The following ATP1A4 variants were observed in gnomAD, a reference collection of about 807,000 sequenced individuals.
ATP1A4 encodes sodium/potassium-transporting ATPase subunit alpha-4.
Under a neutral mutation model 114.3 loss-of-function variants are expected in ATP1A4, and 90 were observed. The observed-to-expected ratio is 0.79, with a 90% CI of 0.66 to 0.94. ATP1A4 has a LOEUF of 0.94. Ranked by LOEUF, ATP1A4 falls within the 40% of genes least tolerant of loss-of-function variation. ATP1A4 has a pLI of 0.00. For missense variants in ATP1A4, 1,222 were observed against 1,313.6 expected (o/e 0.93, Z 1.08); for synonymous variants, 511 against 494.1 (o/e 1.03, Z -0.45).
chr1:160,176,270 G>C, intron 16 of ATP1A4, 24 bp downstream of exon 16: 2 of 1,613,030 alleles, frequency 1.2e-6, no homozygotes, highest in Non-Finnish European at 1.7e-6. Context: ...TGGTGAGCAA[G>C]AGATTCCCAG....
At chr1:160,174,062 G>A (rs1483793552) in intron 13 of ATP1A4, 49 bp from the exon 14 acceptor site, 1 of 1,601,210 alleles carries the variant, frequency 6.2e-7, no homozygotes. Context: ...AAGACCCCTG[G>A]TGAATTCTCA....
At chr1:160,152,721 C>T (rs78943652) in intron 1 of ATP1A4, among the ~76,000 whole-genome samples, 2,157 of 152,230 alleles carry the variant, frequency 0.014, 14 homozygotes, top group African/African-American at 0.018. Flanking sequence ...AAATGTTTCA[C>T]TTTGACCAAG....
intron 20 of ATP1A4, among the ~76,000 whole-genome samples, chr1:160,185,077 T>G (rs1653831399): frequency 6.6e-6 from 1 of 151,490 alleles, no homozygotes; most frequent in Admixed American, 6.6e-5. Flanking sequence ...ATACTTCTAA[T>G]ATGACATTTA....
At chr1:160,154,944 T>A in intron 2 of ATP1A4, 101 bp from the exon 3 acceptor site, 2 of 1,090,828 alleles carry the variant, frequency 1.8e-6, no homozygotes, top group Non-Finnish European at 2.7e-6. Context: ...GCGTCTTTAG[T>A]CTCTAGACCC....
At position 160,167,467 on chromosome 1, in the gene ATP1A4, G is replaced by A; in HGVS notation, c.1491+55G>A. ...TGGTGGGGGGATGGGCTTATCACTG[G>A]AACAAGGGGAGCTTTGCCTCTGCCT... On this transcript the variant is annotated intron_variant, in intron 10 of 21. Transcript: ENST00000368081. 8.2e-6 allele frequency: 13 copies of A among 1,594,212 alleles called. No individual in the cohort carries two copies. In the Middle Eastern group the frequency reaches 5.0e-4, roughly 62 times the overall value.
chr1:160,176,015 C>T, intron 15 of ATP1A4, 77 bp from the exon 16 acceptor site: 2 of 1,471,374 alleles, frequency 1.4e-6, no homozygotes, highest in Admixed American at 3.4e-5. Flanking sequence ...TTTGAGGTGG[C>T]CTGTCTGTCC....
At chr1:160,158,968 GT>G (rs753699060) in intron 4 of ATP1A4, 33 bp from the exon 5 acceptor site, 1 of 1,599,938 alleles carries the variant, frequency 6.3e-7, no homozygotes, top group African/African-American at 1.3e-5. Flanking sequence ...AAAGCCAAAA[GT>G]TTTGGAAATG....
intron 20 of ATP1A4, among the ~76,000 whole-genome samples, chr1:160,184,505 C>T (rs1486785116): frequency 6.6e-6 from 1 of 152,016 alleles, no homozygotes; most frequent in African/African-American, 2.4e-5. Context: ...TATGATTGTA[C>T]CACTGCACTC....
At chr1:160,168,356 G>A (rs1466391655) in intron 10 of ATP1A4, among the ~76,000 whole-genome samples, 2 of 147,604 alleles carry the variant, frequency 1.4e-5, no homozygotes, top group Admixed American at 1.4e-4. Context: ...ATGACAATGA[G>A]ACTCCCAAGT....
At chr1:160,158,465 C>T (rs537597769) in intron 4 of ATP1A4, among the ~76,000 whole-genome samples, 15 of 152,214 alleles carry the variant, frequency 9.9e-5, no homozygotes, top group African/African-American at 3.4e-4. Context: ...CAGCCTTAAC[C>T]TTCTGGGCTC....
chr1:160,173,571 C>T lies in ATP1A4; in HGVS notation c.1855-10C>T, dbSNP rs1240786535. On this transcript the variant is annotated splice_polypyrimidine_tract_variant and intron_variant, in intron 12 of 21. Transcript: ENST00000368081. ...GATTCTGCTCCTCTTCCCTCTCCTT[C>T]CCAACCCAGGTGATCATGGTAACAG... is the stretch of plus-strand genomic sequence containing the variant. The T allele has an allele frequency of 6.2e-7, 1 of 1,612,594 alleles. No individual in the cohort carries two copies. The highest frequency in any genetic ancestry group is 1.3e-5 in the African/African-American group (1 of 75,050).
chr1:160,155,301 A>T (rs1652609271), intron 3 of ATP1A4, 53 bp downstream of exon 3: 18 of 1,499,066 alleles, frequency 1.2e-5, no homozygotes, highest in Non-Finnish European at 1.6e-5. Flanking sequence ...AGCCCCAGAC[A>T]CTCTTTTGCT....
chr1:160,185,421 C>T (rs1653844582), intron 20 of ATP1A4, among the ~76,000 whole-genome samples: 2 of 151,900 alleles, frequency 1.3e-5, no homozygotes. Context: ...ATCACTGGCT[C>T]TTTATGTTTC....
At position 160,181,587 on chromosome 1, in the gene ATP1A4, C is replaced by G; in HGVS notation, c.2737-97C>G. The G allele has an allele frequency of 3.8e-6, 5 of 1,316,616 alleles. No individual in the cohort carries two copies. In the South Asian group the frequency reaches 7.1e-5, roughly 19 times the overall value. The allele number at this position is 1,316,616 out of a possible 1,614,324, so 81.6% of individuals were successfully genotyped here. A position where few individuals can be genotyped will look rare whatever the true frequency, so the allele number is the denominator to read the frequency against. ...AAAAAAAAAAAGAATGAGGACCTGACTCAGCCCAGGGGTCCTGGAAGGTGG... is the reference window on the plus strand; with the variant it reads ...AAAAAAAAAAAGAATGAGGACCTGAGTCAGCCCAGGGGTCCTGGAAGGTGG... On this transcript the variant is annotated intron_variant, in intron 18 of 21. Transcript: ENST00000368081.
In ATP1A4 at chr1:160,159,390, G is replaced by A. The variant is rs192201094; in HGVS notation, c.661-19G>A. 8.2e-5 allele frequency: 131 copies of A among 1,592,920 alleles called. No individual in the cohort carries two copies. In the Admixed American group the frequency reaches 1.9e-3, roughly 24 times the overall value. On this transcript the variant is annotated intron_variant, in intron 5 of 21. Coordinates refer to ENST00000368081, the MANE Select transcript of ATP1A4 (RefSeq NM_144699.4). ...TTTTCCTATGCTCACCTTACAACGC[G>A]TCCCCTCTCCCATCCCAGGTGGACA...
At position 160,174,755 on chromosome 1, in the gene ATP1A4, G is replaced by T. The variant is rs1571029392; in HGVS notation, c.2311+8G>T. ...TCACGGGGGTGGAGGAGGGTGAGGA[G>T]GCAGGGTGCCCATGGTGGAGACTTC... On this transcript the variant is annotated splice_region_variant and intron_variant, in intron 15 of 21. Coordinates refer to ENST00000368081, the MANE Select transcript of ATP1A4 (RefSeq NM_144699.4). The T allele has an allele frequency of 6.2e-7, 1 of 1,613,652 alleles. No homozygotes were observed. The highest frequency in any genetic ancestry group is 1.1e-5 in the South Asian group (1 of 91,062).
At chr1:160,180,694 C>CTTTTT (rs536915261) in intron 18 of ATP1A4, among the ~76,000 whole-genome samples, 4 of 68,486 alleles carry the variant, frequency 5.8e-5, no homozygotes, top group African/African-American at 2.6e-4. Flanking sequence ...GCCTTCTTCC[C>CTTTTT]TTTTTTTTTT....
intron 6 of ATP1A4, among the ~76,000 whole-genome samples, chr1:160,160,573 C>A (rs1344279599): frequency 6.6e-6 from 1 of 152,108 alleles, no homozygotes; most frequent in African/African-American, 2.4e-5. Flanking sequence ...AATATTATCT[C>A]TAATTCCCAC....
At chr1:160,183,345 T>A (rs1653775058) in intron 20 of ATP1A4, 1 of 152,228 alleles carries the variant, frequency 6.6e-6, no homozygotes, top group Non-Finnish European at 1.5e-5. Flanking sequence ...ATTAATGCCA[T>A]TATAGACATA....
Sources: allele counts gnomAD v4.1 joint callset (sites outside exome capture counted in the v4.1 genomes callset), GRCh38; gene constraint gnomAD v4.1.1; transcripts MANE v1.5; gene names NCBI Gene and HGNC (gene_info 2026-07-23, HGNC 2026-07-21).